CNTNAP2: variants seen among roughly 807,000 people sequenced by gnomAD.
CNTNAP2 encodes contactin associated protein 2.
A neutral mutation model predicts 155.2 loss-of-function variants in CNTNAP2; 98 were observed. The observed-to-expected ratio is 0.63, with a 90% CI of 0.54 to 0.75. The LOEUF (loss-of-function observed/expected upper bound fraction) is 0.75, where lower values mean the gene tolerates loss of function less well. Among genes scored for constraint, CNTNAP2 ranks in the 30% least tolerant of loss-of-function variants. The pLI, the probability that CNTNAP2 is intolerant of heterozygous loss-of-function variation, is 0.00. For missense variants in CNTNAP2, 1,727 were observed against 1,688.1 expected, an observed-to-expected ratio of 1.02 and a Z score of -0.40; for synonymous variants, 651 against 631.2, an observed-to-expected ratio of 1.03 and a Z score of -0.47.
intron 3 of CNTNAP2, among the ~76,000 whole-genome samples, chr7:146,924,204 C>A (rs1373737284): frequency 6.6e-6 from 1 of 152,054 alleles, no homozygotes; most frequent in Non-Finnish European, 1.5e-5. Context: ...TCTCTAGATC[C>A]ATTTCTGACC....
intron 15 of CNTNAP2, among the ~76,000 whole-genome samples, chr7:148,076,883 T>C (rs1803497263): frequency 6.6e-6 from 1 of 152,232 alleles, no homozygotes; most frequent in African/African-American, 2.4e-5. Context: ...ACAAGGTTTC[T>C]TGGCATTCAT....
chr7:146,398,952 T>A (rs1795674189), intron 1 of CNTNAP2, among the ~76,000 whole-genome samples: 1 of 152,078 alleles, frequency 6.6e-6, no homozygotes. Context: ...CCTATGTAGG[T>A]AGAATTGCCT....
intron 1 of CNTNAP2, among the ~76,000 whole-genome samples, chr7:146,523,257 A>T (rs544572516): frequency 6.6e-6 from 1 of 152,098 alleles, no homozygotes; most frequent in African/African-American, 2.4e-5. Flanking sequence ...AAACATTTAT[A>T]TATCATCAGT....
chr7:146,700,280 G>A (rs1008777686), intron 1 of CNTNAP2, among the ~76,000 whole-genome samples: 1 of 152,002 alleles, frequency 6.6e-6, no homozygotes, highest in Non-Finnish European at 1.5e-5. Context: ...TGTCCTTCTG[G>A]TTTTCAAAGG....
chr7:146,645,349 G>A (rs1799792881), intron 1 of CNTNAP2, among the ~76,000 whole-genome samples: 1 of 152,122 alleles, frequency 6.6e-6, no homozygotes, highest in South Asian at 2.1e-4. Context: ...GGGGCTGGAG[G>A]GAACTTAAAT....
intron 13 of CNTNAP2, among the ~76,000 whole-genome samples, chr7:147,854,242 T>A (rs752429383): frequency 2.6e-5 from 4 of 152,158 alleles, no homozygotes; most frequent in Non-Finnish European, 5.9e-5. Flanking sequence ...AATAACAATA[T>A]AAGCTCATGT....
intron 13 of CNTNAP2, among the ~76,000 whole-genome samples, chr7:147,885,922 T>C (rs1202272471): frequency 5.3e-5 from 8 of 152,222 alleles, no homozygotes. Context: ...CTGCATGAAC[T>C]GTGGCTTAAC....
chr7:147,547,513 A>G (rs1799761171), intron 11 of CNTNAP2, among the ~76,000 whole-genome samples: 1 of 152,166 alleles, frequency 6.6e-6, no homozygotes, highest in Non-Finnish European at 1.5e-5. Context: ...GCTCATTCAG[A>G]TAAGCTACCT....
chr7:146,547,115 A>G (rs13227381), intron 1 of CNTNAP2, among the ~76,000 whole-genome samples: 93,361 of 151,700 alleles, frequency 0.62, 29,493 homozygotes, highest in African/African-American at 0.7. Flanking sequence ...TCACAGGTGT[A>G]CAGAATGTGT....
At chr7:146,210,642 C>T (rs992227389) in intron 1 of CNTNAP2, among the ~76,000 whole-genome samples, 1 of 152,088 alleles carries the variant, frequency 6.6e-6, no homozygotes, top group African/African-American at 2.4e-5. Context: ...CACCGGTTAC[C>T]AGGCTATACC....
At chr7:148,363,939 G>A (rs1335668884) in intron 21 of CNTNAP2, among the ~76,000 whole-genome samples, 1 of 152,124 alleles carries the variant, frequency 6.6e-6, no homozygotes, top group Non-Finnish European at 1.5e-5. Context: ...GGCAATGGGG[G>A]ACTTAGCACC....
At chr7:146,551,386 G>T (rs377595912) in intron 1 of CNTNAP2, among the ~76,000 whole-genome samples, 5 of 151,936 alleles carry the variant, frequency 3.3e-5, no homozygotes, top group Non-Finnish European at 5.9e-5. Flanking sequence ...AGAACATGTG[G>T]TGTTTGGTTT....
In CNTNAP2 at chr7:147,949,440, G is replaced by GTATATATATATATATATATATATA. The variant is rs57422437; in HGVS notation, c.2256-28403_2256-28402insATATATATATATATATATATATAT. On this transcript the variant is annotated intron_variant, in intron 14 of 23. Coordinates refer to ENST00000361727, the MANE Select transcript of CNTNAP2 (RefSeq NM_014141.6). ...TGTGTTGTTCAAGGATCAACTGTGT[G>GTATATATATATATATATATATATA]TATATATATATATATATATTTTTTT... is the stretch of plus-strand genomic sequence containing the variant. Among the ~76,000 whole-genome samples, 252 of 127,272 alleles carry GTATATATATATATATATATATATA rather than the reference G, an allele frequency of 2.0e-3. 1 individual carries two copies. The highest frequency in any genetic ancestry group is 3.7e-3 in the South Asian group (13 of 3,468). The allele number at this position is 127,272 out of a possible 152,430, so 83.5% of individuals were successfully genotyped here. A position where few individuals can be genotyped will look rare whatever the true frequency, so the allele number is the denominator to read the frequency against.
intron 1 of CNTNAP2, among the ~76,000 whole-genome samples, chr7:146,622,038 G>T (rs1258307090): frequency 6.6e-6 from 1 of 151,932 alleles, no homozygotes; most frequent in Non-Finnish European, 1.5e-5. Flanking sequence ...CAGTTGCCCT[G>T]TGTCCTTTGA....
At chr7:147,043,305 C>G (rs1404699259) in intron 3 of CNTNAP2, among the ~76,000 whole-genome samples, 1 of 152,110 alleles carries the variant, frequency 6.6e-6, no homozygotes, top group East Asian at 1.9e-4. Flanking sequence ...TGTGAACTTT[C>G]AGTATCAGAT....
At chr7:146,959,017 T>TTTTA (rs1259224195) in intron 3 of CNTNAP2, among the ~76,000 whole-genome samples, 5 of 151,986 alleles carry the variant, frequency 3.3e-5, no homozygotes, top group Non-Finnish European at 5.9e-5. Context: ...TTTTATTTTA[T>TTTTA]TTTATTTATT....
At position 146,447,746 on chromosome 7, in the gene CNTNAP2, A is replaced by G. The variant is rs901242635; in HGVS notation, c.98-326525A>G. Among the ~76,000 whole-genome samples the G allele has an allele frequency of 2.0e-5, 3 of 151,948 alleles. No individual in the cohort carries two copies. In the East Asian group the frequency reaches 5.8e-4, roughly 29 times the overall value. On this transcript the variant is annotated intron_variant, in intron 1 of 23. Transcript: ENST00000361727. ...ATTTTAATAGTTTCAAAGGCCAAGCAGAAATCTGTTACAGTTAATAAACAT... is the reference window on the plus strand; with the variant it reads ...ATTTTAATAGTTTCAAAGGCCAAGCGGAAATCTGTTACAGTTAATAAACAT...
chr7:146,452,144 T>C (rs1796493294), intron 1 of CNTNAP2, among the ~76,000 whole-genome samples: 1 of 151,970 alleles, frequency 6.6e-6, no homozygotes, highest in Non-Finnish European at 1.5e-5. Flanking sequence ...CTTGACCTCA[T>C]GATCCACCCA....
intron 14 of CNTNAP2, among the ~76,000 whole-genome samples, chr7:147,949,275 G>A (rs1444237460): frequency 6.6e-6 from 1 of 151,700 alleles, no homozygotes; most frequent in Non-Finnish European, 1.5e-5. Context: ...AAGTAGAAAT[G>A]GATCATCATG....
Sources: gnomAD v4.1 joint callset for allele counts (sites outside exome capture counted in the v4.1 genomes callset) on GRCh38, gnomAD v4.1.1 for gene constraint, MANE v1.5 for transcripts, NCBI Gene and HGNC (gene_info 2026-07-23, HGNC 2026-07-21) for gene names.